The following PARM1 variants were observed in gnomAD, a reference collection of about 807,000 sequenced individuals.
PARM1 encodes WSC4, cell wall integrity and stress response component 4 homolog.
Under a neutral mutation model 24.6 loss-of-function variants are expected in PARM1, and 14 were observed. The ratio of observed to expected loss-of-function variants is 0.57; its 90% CI spans 0.38 to 0.89. The LOEUF is 0.89. Among genes scored for constraint, PARM1 ranks in the 40% least tolerant of loss-of-function variants. The probability of loss-of-function intolerance (pLI) is 0.00; values close to 1 mark genes in which losing one functional copy is unlikely to be tolerated. For missense variants in PARM1, 362 were observed against 380.4 expected, an observed-to-expected ratio of 0.95 and a Z score of 0.40; for synonymous variants, 179 against 156.6, an observed-to-expected ratio of 1.14 and a Z score of -1.07.
intron 2 of PARM1, among the ~76,000 whole-genome samples, chr4:75,014,148 A>G (rs1722933039): frequency 6.6e-6 from 1 of 152,194 alleles, no homozygotes; most frequent in Admixed American, 6.5e-5. Context: ...ATCACTGAGG[A>G]GAGAATCACA....
At chr4:75,023,884 G>A (rs1341325114) in intron 2 of PARM1, among the ~76,000 whole-genome samples, 2 of 152,144 alleles carry the variant, frequency 1.3e-5, no homozygotes, top group Admixed American at 1.3e-4. Context: ...TGGCATCAAA[G>A]TTGGAAATTA....
intron 1 of PARM1, among the ~76,000 whole-genome samples, chr4:74,947,111 C>CGTG (rs1721425297): frequency 6.6e-6 from 1 of 152,182 alleles, no homozygotes; most frequent in Non-Finnish European, 1.5e-5. Context: ...CTGCCAACAC[C>CGTG]GTGGAGTGTG....
Position 75,046,361 on chromosome 4 carries a change from T to C in PARM1, c.*114T>C, listed in dbSNP as rs1233391916. On this transcript the variant is annotated 3_prime_UTR_variant, in exon 4 of 4. Transcript: ENST00000307428. ...AACGACAATCTTAAGCCCTGTTTTG[T>C]TGGTATGGTTGTTTTTGTTTTCCTC... 2.2e-5 allele frequency: 15 copies of C among 676,784 alleles called. No homozygotes were observed. The highest frequency in any genetic ancestry group is 3.8e-5 in the Non-Finnish European group (15 of 392,502). 41.9% of individuals were successfully genotyped at this position (676,784 alleles called of 1,614,324 possible).
chr4:74,936,639 T>G (rs1198291261), intron 1 of PARM1, among the ~76,000 whole-genome samples: 1 of 151,862 alleles, frequency 6.6e-6, no homozygotes, highest in African/African-American at 2.4e-5. Context: ...GTATTTTTAG[T>G]AGAGACGGGG....
chr4:75,043,221 C>T (rs1262173640), intron 3 of PARM1, among the ~76,000 whole-genome samples: 1 of 152,080 alleles, frequency 6.6e-6, no homozygotes, highest in Non-Finnish European at 1.5e-5. Context: ...TTCAAGAGTT[C>T]CCAGTGGGAG....
chr4:74,958,926 C>T (rs1359571755), intron 1 of PARM1, among the ~76,000 whole-genome samples: 1 of 152,128 alleles, frequency 6.6e-6, no homozygotes, highest in Non-Finnish European at 1.5e-5. Context: ...TACATAAGAA[C>T]ATAAATAATG....
chr4:74,938,267 A>G (rs17195734), intron 1 of PARM1, among the ~76,000 whole-genome samples: 11,168 of 152,284 alleles, frequency 0.073, 462 homozygotes, highest in Non-Finnish European at 0.088. Flanking sequence ...GGGGATTATA[A>G]CACCCCACCG....
At chr4:74,948,807 G>C (rs1721454719) in intron 1 of PARM1, among the ~76,000 whole-genome samples, 1 of 152,184 alleles carries the variant, frequency 6.6e-6, no homozygotes, top group Admixed American at 6.5e-5. Flanking sequence ...TGGATCACGA[G>C]GTCAGAAGTT....
intron 2 of PARM1, among the ~76,000 whole-genome samples, chr4:75,029,925 G>A (rs1312519315): frequency 6.6e-6 from 1 of 151,986 alleles, no homozygotes; most frequent in Non-Finnish European, 1.5e-5. Context: ...AAGTATATTT[G>A]TTTATTCAAC....
chr4:74,991,628 T>G (rs1345089718), intron 1 of PARM1, among the ~76,000 whole-genome samples: 2 of 152,012 alleles, frequency 1.3e-5, no homozygotes, highest in African/African-American at 4.8e-5. Context: ...ACAGAACAAT[T>G]CCTCACAGTA....
intron 1 of PARM1, among the ~76,000 whole-genome samples, chr4:74,954,300 T>C (rs1369806030): frequency 6.6e-6 from 1 of 152,246 alleles, no homozygotes; most frequent in African/African-American, 2.4e-5. Flanking sequence ...GCAAGGTTCA[T>C]TGGCATGTGC....
chr4:74,984,068 T>C (rs1722307202), intron 1 of PARM1, among the ~76,000 whole-genome samples: 1 of 152,194 alleles, frequency 6.6e-6, no homozygotes, highest in Non-Finnish European at 1.5e-5. Context: ...TCTTGGCTAT[T>C]TCTTATCATC....
intron 2 of PARM1, among the ~76,000 whole-genome samples, chr4:75,031,208 G>T (rs1442098552): frequency 1.3e-5 from 2 of 152,132 alleles, no homozygotes; most frequent in Non-Finnish European, 2.9e-5. Flanking sequence ...TCCCATGGCT[G>T]GCATCCACTG....
chr4:75,031,976 G>T (rs1243502430), intron 2 of PARM1, among the ~76,000 whole-genome samples: 1 of 152,206 alleles, frequency 6.6e-6, no homozygotes, highest in East Asian at 1.9e-4. Flanking sequence ...GCCAAGAGGA[G>T]CCTTTCAAAG....
chr4:74,987,776 G>C (rs1026234567), intron 1 of PARM1, among the ~76,000 whole-genome samples: 1 of 152,130 alleles, frequency 6.6e-6, no homozygotes, highest in Non-Finnish European at 1.5e-5. Context: ...TTTTGAAAGA[G>C]ATTAAAATCA....
At chr4:75,035,980 C>A (rs1405507560) in intron 3 of PARM1, among the ~76,000 whole-genome samples, 1 of 152,168 alleles carries the variant, frequency 6.6e-6, no homozygotes, top group East Asian at 1.9e-4. Flanking sequence ...GCAGATACAC[C>A]GTATTTTAAT....
chr4:75,020,714 C>T (rs1225163019), intron 2 of PARM1, among the ~76,000 whole-genome samples: 1 of 152,198 alleles, frequency 6.6e-6, no homozygotes, highest in Non-Finnish European at 1.5e-5. Context: ...TCGCTCTCTG[C>T]ACCACCCACA....
intron 1 of PARM1, among the ~76,000 whole-genome samples, chr4:74,960,941 C>T (rs1018420008): frequency 6.6e-6 from 1 of 150,530 alleles, no homozygotes; most frequent in African/African-American, 2.4e-5. Context: ...GGAGGCGGAG[C>T]TTGCAGTGAG....
At chr4:75,029,624 A>G (rs1191156719) in intron 2 of PARM1, among the ~76,000 whole-genome samples, 2 of 152,124 alleles carry the variant, frequency 1.3e-5, no homozygotes, top group Non-Finnish European at 2.9e-5. Flanking sequence ...ATAAATTACC[A>G]TCTTGAGTAT....
Sources: gnomAD v4.1 joint callset for allele counts (sites outside exome capture counted in the v4.1 genomes callset) on GRCh38, gnomAD v4.1.1 for gene constraint, MANE v1.5 for transcripts, NCBI Gene and HGNC (gene_info 2026-07-23, HGNC 2026-07-21) for gene names.